Variants in CBR4 observed in about 807,000 individuals in gnomAD.
The protein encoded by CBR4 is 3-oxoacyl-[acyl-carrier-protein] reductase.
In CBR4, 22 loss-of-function variants were observed where a neutral mutation model predicts 21.0. The observed-to-expected ratio is 1.05, with a 90% confidence interval of 0.75 to 1.50. The LOEUF (loss-of-function observed/expected upper bound fraction) is 1.50, where lower values mean the gene tolerates loss of function less well. Ranked by LOEUF, CBR4 falls within the 40% of genes most tolerant of loss-of-function variation. The pLI is 0.00. For missense variants in CBR4, 302 were observed against 286.3 expected, an observed-to-expected ratio of 1.05 and a Z score of -0.40; for synonymous variants, 100 against 104.4, an observed-to-expected ratio of 0.96 and a Z score of 0.26.
chr4:168,914,174 A>T, intron 2 of CBR4: 1 of 652,876 alleles, frequency 1.5e-6, no homozygotes. Context: ...CTTGATTATT[A>T]TGCTCCCTTG....
At chr4:168,964,948 T>C (rs1763975366) in intron 2 of CBR4, among the ~76,000 whole-genome samples, 1 of 152,112 alleles carries the variant, frequency 6.6e-6, no homozygotes, top group African/African-American at 2.4e-5. Context: ...TTTGTTTTTG[T>C]TTTGGTATCC....
intron 4 of CBR4, among the ~76,000 whole-genome samples, chr4:168,994,307 A>G (rs891627429): frequency 1.3e-5 from 2 of 152,220 alleles, no homozygotes; most frequent in Non-Finnish European, 2.9e-5. Context: ...AACGCCTTTA[A>G]GCGGTTTTCC....
At chr4:169,005,345 AAAG>A (rs1730818573) in intron 3 of CBR4, 1 of 152,514 alleles carries the variant, frequency 6.6e-6, no homozygotes, top group Admixed American at 6.5e-5. Flanking sequence ...GTGGCTTTTA[AAAG>A]AAAAAAAAAC....
chr4:168,902,574 G>A (rs968060808), intron 2 of CBR4, among the ~76,000 whole-genome samples: 1 of 151,988 alleles, frequency 6.6e-6, no homozygotes, highest in Non-Finnish European at 1.5e-5. Context: ...CCTGGGAGGC[G>A]GAGGTTACAG....
At chr4:168,992,970 T>C (rs1263868795) in intron 4 of CBR4, among the ~76,000 whole-genome samples, 2 of 152,206 alleles carry the variant, frequency 1.3e-5, no homozygotes, top group Non-Finnish European at 2.9e-5. Flanking sequence ...TCAGCAATAT[T>C]TCCTTCATAT....
chr4:168,981,268 G>A (rs1008860865), intron 2 of CBR4, among the ~76,000 whole-genome samples: 2 of 151,746 alleles, frequency 1.3e-5, no homozygotes, highest in African/African-American at 4.8e-5. Context: ...GCTTGGTGGT[G>A]CATGCCTGTA....
intron 2 of CBR4, among the ~76,000 whole-genome samples, chr4:168,933,987 C>G (rs1763033227): frequency 6.6e-6 from 1 of 152,020 alleles, no homozygotes; most frequent in Admixed American, 6.6e-5. Context: ...ACACAACATA[C>G]CAAACCCTGT....
intron 2 of CBR4, among the ~76,000 whole-genome samples, chr4:168,950,700 C>A (rs1352410277): frequency 6.6e-6 from 1 of 152,098 alleles, no homozygotes; most frequent in South Asian, 2.1e-4. Flanking sequence ...AAGTCTCCCA[C>A]TATTATTGTG....
intron 2 of CBR4, chr4:168,926,606 C>A: frequency 2.2e-6 from 1 of 446,882 alleles, no homozygotes; most frequent in Non-Finnish European, 4.0e-6. Context: ...CATTTACTGT[C>A]CAATTTAAAA....
At chr4:168,899,200 T>C (rs1755910544) in intron 2 of CBR4, among the ~76,000 whole-genome samples, 1 of 152,166 alleles carries the variant, frequency 6.6e-6, no homozygotes, top group South Asian at 2.1e-4. Context: ...AAGAATATTG[T>C]TTAGAACGGA....
intron 2 of CBR4, chr4:168,921,505 A>C (rs571414799): frequency 6.7e-7 from 1 of 1,489,018 alleles, no homozygotes; most frequent in Non-Finnish European, 9.2e-7. Context: ...TTAATACAAA[A>C]ATTTACATGT....
At chr4:168,958,435 G>C (rs961181883) in intron 2 of CBR4, among the ~76,000 whole-genome samples, 1 of 152,208 alleles carries the variant, frequency 6.6e-6, no homozygotes, top group African/African-American at 2.4e-5. Context: ...TTATTGTATG[G>C]ATAGATTATA....
chr4:168,915,992 G>C lies in CBR4; in HGVS notation n.170-21227C>G, dbSNP rs778471055. 18 of 1,613,832 alleles carry C rather than the reference G, an allele frequency of 1.1e-5. No individual in the cohort carries two copies. The East Asian group carries it at 3.8e-4, about 34-fold the overall frequency. On this transcript the variant is annotated intron_variant and non_coding_transcript_variant, in intron 2 of 3. Coordinates refer to the CBR4 transcript ENST00000509108. The stretch of plus-strand genomic sequence containing the variant: ...CTTGCAGGCTCCTGGAGATCTGACT[G>C]TTCAAGAAGGAAAACTCTGCAGAAT...
intron 2 of CBR4, among the ~76,000 whole-genome samples, chr4:168,940,790 G>T (rs1299317345): frequency 6.6e-6 from 1 of 152,242 alleles, no homozygotes; most frequent in Non-Finnish European, 1.5e-5. Flanking sequence ...ACAGATGCTG[G>T]AGAGGATGTG....
intron 2 of CBR4, among the ~76,000 whole-genome samples, chr4:168,950,362 A>C (rs1459531523): frequency 6.6e-6 from 1 of 152,112 alleles, no homozygotes; most frequent in Non-Finnish European, 1.5e-5. Context: ...TTCATTTTTG[A>C]CCCAAAAGCA....
exon 3 of CBR4, chr4:168,894,588 T>C: frequency 3.1e-6 from 5 of 1,611,440 alleles, no homozygotes; most frequent in Non-Finnish European, 4.2e-6. Flanking sequence ...GAGGTTAACA[T>C]ACGAAGAAAG....
intron 2 of CBR4, among the ~76,000 whole-genome samples, chr4:168,974,772 A>T (rs1764318626): frequency 6.6e-6 from 1 of 151,734 alleles, no homozygotes; most frequent in Non-Finnish European, 1.5e-5. Flanking sequence ...TTTCTTTATG[A>T]TATCTATTTC....
At chr4:168,942,706 A>G (rs1209460055) in intron 2 of CBR4, among the ~76,000 whole-genome samples, 1 of 152,198 alleles carries the variant, frequency 6.6e-6, no homozygotes, top group Non-Finnish European at 1.5e-5. Flanking sequence ...AATGGAAGAA[A>G]ATATCTGCAA....
intron 2 of CBR4, among the ~76,000 whole-genome samples, chr4:168,948,801 T>C (rs1763463510): frequency 6.6e-6 from 1 of 152,252 alleles, no homozygotes; most frequent in Non-Finnish European, 1.5e-5. Context: ...GGTAGTGCGA[T>C]ACCTCCAGAT....
Sources: gnomAD v4.1 joint callset for allele counts (sites outside exome capture counted in the v4.1 genomes callset) on GRCh38, gnomAD v4.1.1 for gene constraint, MANE v1.5 for transcripts, NCBI Gene and HGNC (gene_info 2026-07-23, HGNC 2026-07-21) for gene names.